The following SLC9B1 variants were observed in gnomAD, a reference collection of about 807,000 sequenced individuals.
SLC9B1 encodes the protein sodium/hydrogen exchanger 9B1.
A neutral mutation model predicts 51.7 loss-of-function variants in SLC9B1; 32 were observed. That is an observed-to-expected ratio of 0.62 (90% CI 0.47 to 0.83). The LOEUF (loss-of-function observed/expected upper bound fraction) is 0.83. Among genes scored for constraint, SLC9B1 ranks in the 40% least tolerant of loss-of-function variants. SLC9B1 has a pLI of 0.00. For synonymous variants in SLC9B1, 145 were observed against 212.7 expected (o/e 0.68, Z 2.77); for missense variants, 406 against 613.2 (o/e 0.66, Z 3.57).
intron 3 of SLC9B1, among the ~76,000 whole-genome samples, chr4:102,971,866 C>G (rs1474603828): frequency 1.3e-5 from 2 of 152,130 alleles, no homozygotes; most frequent in African/African-American, 4.8e-5. Context: ...AACCCCTCTA[C>G]ACAAATAAAC....
chr4:102,931,139 T>C (rs1578357381), intron 7 of SLC9B1, among the ~76,000 whole-genome samples: 1 of 150,248 alleles, frequency 6.7e-6, no homozygotes, highest in East Asian at 2.0e-4. Flanking sequence ...GGCAGGAGAA[T>C]GGCGTGAACC....
chr4:102,974,287 A>G (rs1654346052), intron 3 of SLC9B1, among the ~76,000 whole-genome samples: 1 of 149,590 alleles, frequency 6.7e-6, no homozygotes, highest in African/African-American at 2.5e-5. Flanking sequence ...CCTAAATAAA[A>G]TAAATTAAAG....
chr4:102,914,561 G>A (rs1578341468), intron 7 of SLC9B1, among the ~76,000 whole-genome samples: 1 of 152,160 alleles, frequency 6.6e-6, no homozygotes, highest in Non-Finnish European at 1.5e-5. Context: ...GCAAGATGGA[G>A]TTGATTAGGT....
intron 1 of SLC9B1, among the ~76,000 whole-genome samples, chr4:103,012,209 T>A (rs554711426): frequency 6.6e-6 from 1 of 152,374 alleles, no homozygotes; most frequent in East Asian, 1.9e-4. Context: ...TTCCCCTAAA[T>A]ATCCTATTTC....
At chr4:103,014,935 A>G (rs1741244339) in intron 1 of SLC9B1, 1 of 152,226 alleles carries the variant, frequency 6.6e-6, no homozygotes, top group Non-Finnish European at 1.5e-5. Flanking sequence ...GAAAAAGGCC[A>G]TTAGGAGAAT....
intron 3 of SLC9B1, among the ~76,000 whole-genome samples, chr4:102,973,524 A>T (rs1738871524): frequency 6.6e-6 from 1 of 152,130 alleles, no homozygotes. Flanking sequence ...CCACCGTATT[A>T]AAAAAGCTTA....
At chr4:102,920,657 C>T (rs140178047) in intron 7 of SLC9B1, among the ~76,000 whole-genome samples, 133 of 152,198 alleles carry the variant, frequency 8.7e-4, no homozygotes, top group African/African-American at 3.0e-3. Flanking sequence ...AAGGTAAAAA[C>T]CTTGAAAAAA....
intron 3 of SLC9B1, among the ~76,000 whole-genome samples, chr4:102,951,958 A>ATATTTTTTTTT (rs1410808257): frequency 1.2e-4 from 1 of 8,226 alleles, no homozygotes; most frequent in Non-Finnish European, 2.3e-4. Flanking sequence ...CAAAAATAAA[A>ATATTTTTTTTT]TCTTTTTTTT....
At chr4:102,901,899 T>G (rs1424401442) in intron 11 of SLC9B1, among the ~76,000 whole-genome samples, 1 of 152,178 alleles carries the variant, frequency 6.6e-6, no homozygotes, top group East Asian at 1.9e-4. Flanking sequence ...CTCTCTAACC[T>G]TCTACTTACT....
intron 1 of SLC9B1, chr4:103,016,869 T>C (rs1741390006): frequency 6.6e-6 from 1 of 152,416 alleles, no homozygotes; most frequent in South Asian, 2.1e-4. Flanking sequence ...CACTGCAATG[T>C]TATCGGTGAG....
At chr4:103,006,578 G>C (rs1740798672) in intron 1 of SLC9B1, among the ~76,000 whole-genome samples, 1 of 152,068 alleles carries the variant, frequency 6.6e-6, no homozygotes, top group Admixed American at 6.6e-5. Flanking sequence ...ACGAAGACCT[G>C]GTAGCATTCC....
At chr4:102,973,011 A>T (rs1738845167) in intron 3 of SLC9B1, among the ~76,000 whole-genome samples, 1 of 152,218 alleles carries the variant, frequency 6.6e-6, no homozygotes, top group African/African-American at 2.4e-5. Context: ...AGAGGGGAAA[A>T]ACCTTGATCA....
intron 1 of SLC9B1, 74 bp from the exon 2 acceptor site, chr4:102,991,786 G>A (rs566923482): frequency 2.9e-6 from 3 of 1,047,558 alleles, no homozygotes; most frequent in African/African-American, 1.6e-5. Context: ...ACATGGTTAA[G>A]TGGGATTAAT....
intron 1 of SLC9B1, among the ~76,000 whole-genome samples, chr4:102,994,767 T>A (rs951740290): frequency 1.6e-4 from 24 of 151,898 alleles, no homozygotes; most frequent in African/African-American, 5.3e-4. Flanking sequence ...AGAGAATGAG[T>A]GAAAGCAGGG....
At chr4:102,913,098 C>T (rs1373487462) in intron 7 of SLC9B1, among the ~76,000 whole-genome samples, 2 of 152,080 alleles carry the variant, frequency 1.3e-5, no homozygotes, top group Non-Finnish European at 2.9e-5. Flanking sequence ...CTCATGATAC[C>T]CCTTCCCCAA....
chr4:102,900,400 G>A (rs576765000), downstream of SLC9B1, among the ~76,000 whole-genome samples: 4 of 152,130 alleles, frequency 2.6e-5, no homozygotes, highest in South Asian at 6.2e-4. Context: ...CATTTTTGGA[G>A]GCTGCCTTTT....
At chr4:102,940,820 G>A (rs931403636) in intron 6 of SLC9B1, among the ~76,000 whole-genome samples, 11 of 152,180 alleles carry the variant, frequency 7.2e-5, no homozygotes, top group Admixed American at 2.0e-4. Context: ...AAATAAAGCC[G>A]CACACCTATA....
chr4:102,974,652 A>G (rs1197976898), intron 3 of SLC9B1, among the ~76,000 whole-genome samples: 2 of 152,220 alleles, frequency 1.3e-5, no homozygotes, highest in African/African-American at 4.8e-5. Flanking sequence ...TAAAAATTCA[A>G]TCAGTAAATA....
chr4:102,946,467 A>AG (rs1737273320), intron 5 of SLC9B1, among the ~76,000 whole-genome samples, 180 bp downstream of exon 5: 1 of 151,934 alleles, frequency 6.6e-6, no homozygotes, highest in African/African-American at 2.4e-5. Flanking sequence ...AAATGCCACC[A>AG]GCCCGGCTAA....
Sources: allele counts gnomAD v4.1 joint callset (sites outside exome capture counted in the v4.1 genomes callset), GRCh38; gene constraint gnomAD v4.1.1; transcripts MANE v1.5; gene names NCBI Gene and HGNC (gene_info 2026-07-23, HGNC 2026-07-21).